The following ATP13A3 variants were observed in gnomAD, a reference collection of about 807,000 sequenced individuals.
The protein encoded by ATP13A3 is polyamine-transporting ATPase 13A3.
A neutral mutation model predicts 158.1 loss-of-function variants in ATP13A3; 59 were observed. The ratio of observed to expected loss-of-function variants is 0.37; its 90% CI spans 0.30 to 0.46. The LOEUF (loss-of-function observed/expected upper bound fraction) is 0.46. Ranked by LOEUF, ATP13A3 falls within the 20% of genes least tolerant of loss-of-function variation. The probability of loss-of-function intolerance (pLI) is 1.00; values close to 1 mark genes in which losing one functional copy is unlikely to be tolerated. For missense variants in ATP13A3, 1,166 were observed against 1,525.2 expected, an observed-to-expected ratio of 0.76 and a Z score of 3.92; for synonymous variants, 491 against 504.3, an observed-to-expected ratio of 0.97 and a Z score of 0.35.
At chr3:194,466,910 G>A (rs542410928) in intron 2 of ATP13A3, among the ~76,000 whole-genome samples, 12 of 152,192 alleles carry the variant, frequency 7.9e-5, no homozygotes, top group South Asian at 6.2e-4. Flanking sequence ...ATTTATTTCT[G>A]GCACAGAGGG....
At chr3:194,479,441 A>G (rs922877395) in intron 2 of ATP13A3, among the ~76,000 whole-genome samples, 5 of 152,082 alleles carry the variant, frequency 3.3e-5, no homozygotes, top group Non-Finnish European at 7.4e-5. Context: ...GGAAAATTAG[A>G]AACATAAACA....
chr3:194,454,227 G>C (rs1719033498), intron 9 of ATP13A3, 31 bp downstream of exon 9: 1 of 1,562,264 alleles, frequency 6.4e-7, no homozygotes, highest in South Asian at 1.1e-5. Context: ...TACAAATACA[G>C]TTGTGAAACC....
chr3:194,458,552 T>G (rs1324534602), intron 6 of ATP13A3, among the ~76,000 whole-genome samples: 3 of 151,784 alleles, frequency 2.0e-5, no homozygotes, highest in Non-Finnish European at 1.5e-5. Context: ...ACCAGGCTAA[T>G]TTTTTTTGTA....
chr3:194,484,461 T>C (rs756614922), intron 2 of ATP13A3, among the ~76,000 whole-genome samples: 3 of 152,190 alleles, frequency 2.0e-5, no homozygotes, highest in Non-Finnish European at 4.4e-5. Flanking sequence ...CTAAGATAAA[T>C]AGTAATCTTA....
intron 21 of ATP13A3, among the ~76,000 whole-genome samples, chr3:194,432,327 A>G (rs552291535): frequency 6.6e-6 from 1 of 152,224 alleles, no homozygotes; most frequent in Admixed American, 6.5e-5. Flanking sequence ...ATCATACAAA[A>G]CAAAAAGGTA....
At chr3:194,430,416 C>T (rs1717132912) in intron 24 of ATP13A3, 101 bp from the exon 25 acceptor site, 1 of 1,262,130 alleles carries the variant, frequency 7.9e-7, no homozygotes, top group Non-Finnish European at 1.1e-6. Flanking sequence ...AGAGCTAACA[C>T]ACCAAGATTC....
chr3:194,491,848 T>TCATCTCTCACCTGGCATGCCTCCTC (rs1560122222), upstream of ATP13A3, among the ~76,000 whole-genome samples: 24 of 122,582 alleles, frequency 2.0e-4, no homozygotes, highest in African/African-American at 6.1e-4. Flanking sequence ...GCATGTCCCC[T>TCATCTCTCACCTGGCATGCCTCCTC]CATCTCTCAC....
At chr3:194,422,885 G>T (rs762302473) in intron 30 of ATP13A3, among the ~76,000 whole-genome samples, 1 of 149,962 alleles carries the variant, frequency 6.7e-6, no homozygotes, top group Admixed American at 6.7e-5. Context: ...TCTTTAAAAG[G>T]TCACCTTATT....
intron 2 of ATP13A3, among the ~76,000 whole-genome samples, chr3:194,473,641 T>A (rs1014798080): frequency 1.2e-4 from 18 of 152,188 alleles, no homozygotes; most frequent in Non-Finnish European, 2.6e-4. Context: ...CAGAAGATAT[T>A]TAAATTTAAA....
At chr3:194,487,117 C>A (rs796897943), upstream of ATP13A3, 17 of 152,090 alleles carry the variant, frequency 1.1e-4, no homozygotes, top group African/African-American at 3.6e-4. Flanking sequence ...ATTTATAGGC[C>A]CCGCCCACCC....
At chr3:194,442,345 C>A (rs946215940) in intron 15 of ATP13A3, among the ~76,000 whole-genome samples, 1 of 152,170 alleles carries the variant, frequency 6.6e-6, no homozygotes, top group Non-Finnish European at 1.5e-5. Flanking sequence ...TGCCTGTCAT[C>A]CCGGCATTTT....
At chr3:194,417,103 A>C (rs1304952400) in intron 31 of ATP13A3, among the ~76,000 whole-genome samples, 1 of 152,166 alleles carries the variant, frequency 6.6e-6, no homozygotes, top group Non-Finnish European at 1.5e-5. Context: ...TAATTCTAAT[A>C]GTTCCGAAAG....
chr3:194,483,673 CA>C (rs1482164905), intron 2 of ATP13A3, among the ~76,000 whole-genome samples: 1 of 152,148 alleles, frequency 6.6e-6, no homozygotes, highest in African/African-American at 2.4e-5. Flanking sequence ...AACTATGTTC[CA>C]AAACCAAGGC....
chr3:194,420,050 T>C (rs957521859), intron 30 of ATP13A3, 83 bp from the exon 31 acceptor site: 1 of 1,374,378 alleles, frequency 7.3e-7, no homozygotes, highest in Non-Finnish European at 9.5e-7. Flanking sequence ...TGGTATACTG[T>C]CATTTGTAAA....
chr3:194,436,335 G>A (rs372366973), intron 20 of ATP13A3, among the ~76,000 whole-genome samples: 11 of 152,288 alleles, frequency 7.2e-5, no homozygotes, highest in Admixed American at 5.9e-4. Context: ...TTTGACGGGG[G>A]GACATGGAGA....
In ATP13A3 at chr3:194,480,322, T is replaced by C. The variant is rs1164674841; in HGVS notation, c.-47+5472A>G. Among the ~76,000 whole-genome samples, 4 of 152,146 alleles carry C rather than the reference T, an allele frequency of 2.6e-5. No homozygotes were observed. The East Asian group carries it at 7.7e-4, about 29-fold the overall frequency. On this transcript the variant is annotated intron_variant, in intron 2 of 33. Coordinates refer to ENST00000645319, the MANE Select transcript of ATP13A3 (RefSeq NM_001367549.1). ...CATTTTTATCCAATACACCATGCCC[T>C]CTCCCAGGACATAAGACTGTTAAGT...
chr3:194,419,711 T>C, intron 31 of ATP13A3, 168 bp downstream of exon 31: 1 of 864,530 alleles, frequency 1.2e-6, no homozygotes, highest in Non-Finnish European at 1.4e-6. Flanking sequence ...ATTAAACAGG[T>C]ATAGCTAAGA....
chr3:194,469,672 C>T (rs868776707), intron 2 of ATP13A3, among the ~76,000 whole-genome samples: 1 of 152,116 alleles, frequency 6.6e-6, no homozygotes, highest in Admixed American at 6.5e-5. Context: ...CTGAGAATTA[C>T]ACATACCTAC....
Position 194,469,007 on chromosome 3 carries a change from G to A in ATP13A3, c.-46-6771C>T, listed in dbSNP as rs563252561. ...AAATGAGCCAGGCAAGGTAGCATGC[G>A]CCTGTAATCCTGGCTACTTAGGAGG... On this transcript the variant is annotated intron_variant, in intron 2 of 33. Transcript: ENST00000645319. 7.9e-5 allele frequency among the ~76,000 whole-genome samples: 12 copies of A among 151,622 alleles called. No homozygotes were observed. The East Asian group carries it at 1.4e-3, about 17-fold the overall frequency.
Sources: gnomAD v4.1 joint callset for allele counts (sites outside exome capture counted in the v4.1 genomes callset) on GRCh38, gnomAD v4.1.1 for gene constraint, MANE v1.5 for transcripts, NCBI Gene and HGNC (gene_info 2026-07-23, HGNC 2026-07-21) for gene names.